Variants in LMBR1 observed in about 807,000 individuals in gnomAD.
LMBR1 encodes the protein limb region 1 protein homolog.
A neutral mutation model predicts 73.9 loss-of-function variants in LMBR1; 52 were observed. That is an observed-to-expected ratio of 0.70 (90% CI 0.56 to 0.89). The LOEUF (loss-of-function observed/expected upper bound fraction) is 0.89, where lower values mean the gene tolerates loss of function less well. Among genes scored for constraint, LMBR1 ranks in the 40% least tolerant of loss-of-function variants. LMBR1 has a pLI of 0.00. For synonymous variants in LMBR1, 215 were observed against 209.4 expected (o/e 1.03, Z -0.23); for missense variants, 539 against 579.8 (o/e 0.93, Z 0.72).
intron 4 of LMBR1, among the ~76,000 whole-genome samples, chr7:156,824,166 G>C (rs1400946054): frequency 6.6e-6 from 1 of 152,004 alleles, no homozygotes; most frequent in Non-Finnish European, 1.5e-5. Context: ...AAAAAATGTG[G>C]AGTTTTCCTT....
intron 4 of LMBR1, among the ~76,000 whole-genome samples, chr7:156,798,774 T>C (rs573727405): frequency 1.3e-5 from 2 of 152,344 alleles, no homozygotes; most frequent in African/African-American, 4.8e-5. Context: ...GAAAAATACA[T>C]GACCGTTTCA....
chr7:156,836,000 T>A (rs919274172), intron 2 of LMBR1, among the ~76,000 whole-genome samples: 9 of 152,224 alleles, frequency 5.9e-5, no homozygotes, highest in Non-Finnish European at 1.3e-4. Flanking sequence ...TGAATCTGTA[T>A]CTTCAGAATT....
At chr7:156,805,989 C>T (rs1457299284) in intron 4 of LMBR1, among the ~76,000 whole-genome samples, 1 of 152,152 alleles carries the variant, frequency 6.6e-6, no homozygotes, top group African/African-American at 2.4e-5. Context: ...TCATCAAGAA[C>T]CCAACCATGG....
chr7:156,707,459 A>G (rs1811207071), intron 15 of LMBR1, among the ~76,000 whole-genome samples: 1 of 152,200 alleles, frequency 6.6e-6, no homozygotes, highest in Non-Finnish European at 1.5e-5. Flanking sequence ...ACACAGATGC[A>G]AAAACTCTCA....
chr7:156,752,274 T>C (rs1265837524), intron 9 of LMBR1, among the ~76,000 whole-genome samples: 1 of 152,184 alleles, frequency 6.6e-6, no homozygotes, highest in Non-Finnish European at 1.5e-5. Context: ...ACAACTCTTG[T>C]GAGCTTTGCC....
intron 1 of LMBR1, among the ~76,000 whole-genome samples, chr7:156,875,437 C>T (rs774719126): frequency 5.9e-5 from 9 of 152,138 alleles, no homozygotes; most frequent in Non-Finnish European, 8.8e-5. Flanking sequence ...TTGCTAGAGA[C>T]CTAGACGTCC....
intron 9 of LMBR1, among the ~76,000 whole-genome samples, chr7:156,736,970 C>T (rs1241440819): frequency 1.3e-5 from 2 of 152,140 alleles, no homozygotes. Context: ...TGTCTTTAGA[C>T]CTGCCCACCC....
rs183930867 is a variant in LMBR1, at chr7:156,888,916, C to T, written c.66+4012G>A. ...TAAAAATACAAAAATTAGCCAAGTG[C>T]GGTGGCGCATGCCTGTAATCCCAGC... is the stretch of plus-strand genomic sequence containing the variant. On this transcript the variant is annotated intron_variant, in intron 1 of 16. Coordinates refer to ENST00000353442, the MANE Select transcript of LMBR1 (RefSeq NM_022458.4). Among the ~76,000 whole-genome samples, 30 of 151,782 alleles carry T rather than the reference C, an allele frequency of 2.0e-4. No homozygotes were observed. In the East Asian group the frequency reaches 5.4e-3, roughly 27 times the overall value.
intron 5 of LMBR1, among the ~76,000 whole-genome samples, chr7:156,769,692 C>T (rs1377136323): frequency 6.6e-6 from 1 of 152,194 alleles, no homozygotes; most frequent in African/African-American, 2.4e-5. Flanking sequence ...CAGCAAGAGG[C>T]ATGAGTGCCA....
chr7:156,778,614 T>C (rs757731600), intron 5 of LMBR1, among the ~76,000 whole-genome samples: 28 of 152,246 alleles, frequency 1.8e-4, no homozygotes, highest in Non-Finnish European at 3.4e-4. Flanking sequence ...GATGAGACTA[T>C]AGTCAGAAAT....
rs201837108 is a variant in LMBR1 at position 156,836,885 on chromosome 7, T to C, written c.67A>G (p.Ile23Val). The C allele has an allele frequency of 1.3e-6, 2 of 1,566,188 alleles. No homozygotes were observed. ...AGAATGGCAAAAAGAAGGAAACATA[T>C]CTGAAACAAAACGAAGTTAACAGAT... ...HFHSQVREST[I>V]CFLLFAILYV... is the part of the protein sequence containing the mutation. The change falls in exon 2 of 17, where the codon ATA (isoleucine) becomes GTA (valine). Residue 23 changes from isoleucine to valine, a missense_variant and splice_region_variant. By Grantham distance (29) the Ile-to-Val change is conservative. This residue lies in a region of LMBR1 where 454 missense variants were observed against 473.4 expected (regional missense o/e 0.96). Coordinates refer to ENST00000353442, the MANE Select transcript of LMBR1 (RefSeq NM_022458.4).
intron 15 of LMBR1, among the ~76,000 whole-genome samples, chr7:156,703,678 G>A (rs1372886158): frequency 6.6e-6 from 1 of 152,102 alleles, no homozygotes; most frequent in African/African-American, 2.4e-5. Flanking sequence ...TTTCCCAGGG[G>A]CTTGGGGGCT....
intron 5 of LMBR1, among the ~76,000 whole-genome samples, chr7:156,777,003 C>G (rs1826268687): frequency 6.6e-6 from 1 of 151,470 alleles, no homozygotes; most frequent in African/African-American, 2.4e-5. Flanking sequence ...ACGATCTCGG[C>G]TCACCGCAAG....
chr7:156,833,639 T>C (rs1252011721), intron 3 of LMBR1, 114 bp downstream of exon 3: 7 of 721,454 alleles, frequency 9.7e-6, no homozygotes, highest in South Asian at 3.5e-5. Context: ...GATAAAGCTA[T>C]TGTAATGTGC....
At chr7:156,724,022 TA>T in intron 15 of LMBR1, 89 bp downstream of exon 15, 1 of 881,186 alleles carries the variant, frequency 1.1e-6, no homozygotes. Context: ...ATTTCAAAGG[TA>T]ATCTTTATGA....
chr7:156,800,229 C>A (rs1830708582), intron 4 of LMBR1, among the ~76,000 whole-genome samples: 2 of 152,172 alleles, frequency 1.3e-5, no homozygotes, highest in Admixed American at 6.5e-5. Context: ...TAGCCAGAGA[C>A]AAGTTCAATG....
At chr7:156,760,009 G>A (rs1417789013) in intron 8 of LMBR1, among the ~76,000 whole-genome samples, 1 of 152,180 alleles carries the variant, frequency 6.6e-6, no homozygotes, top group African/African-American at 2.4e-5. Flanking sequence ...GATGACTTAG[G>A]TCAAAGCAGG....
At position 156,669,738 on chromosome 7, in the gene LMBR1, A is replaced by G. The variant is rs888114618; in HGVS notation, n.867-451T>C. ...GGGCAGGGCTGGGACTCCCAGGGAG[A>G]AGGGGCCATGGCTGGGCCCCTCCAG... On this transcript the variant is annotated intron_variant and non_coding_transcript_variant, in intron 4 of 4. Coordinates refer to the LMBR1 transcript ENST00000430825. This position sits in a 1 kb window ranked among gnomAD's most constrained non-coding sequence, Gnocchi z 4.2. Among the ~76,000 whole-genome samples, 1 of 152,168 alleles carries G rather than the reference A, an allele frequency of 6.6e-6. No homozygotes were observed. The highest frequency in any genetic ancestry group is 1.5e-5 in the Non-Finnish European group (1 of 68,016).
intron 1 of LMBR1, among the ~76,000 whole-genome samples, chr7:156,882,479 T>C (rs1229181056): frequency 6.6e-6 from 1 of 152,076 alleles, no homozygotes; most frequent in Non-Finnish European, 1.5e-5. Flanking sequence ...TAGATGAATC[T>C]TGAGGACACT....
Sources: allele counts gnomAD v4.1 joint callset (sites outside exome capture counted in the v4.1 genomes callset), GRCh38; gene constraint gnomAD v4.1.1; regional missense constraint gnomAD v4.1.1; non-coding constraint Gnocchi (gnomAD v3.1); transcripts MANE v1.5; gene names NCBI Gene and HGNC (gene_info 2026-07-23, HGNC 2026-07-21).